Variants in PRKN observed in about 807,000 individuals in gnomAD.
PRKN encodes parkin RBR E3 ubiquitin protein ligase.
PRKN carries 56 observed loss-of-function variants against 59.5 expected under a neutral mutation model. That is an observed-to-expected ratio of 0.94 (90% CI 0.76 to 1.18). The LOEUF (loss-of-function observed/expected upper bound fraction) is 1.18. PRKN is among the 50% of genes most tolerant of loss of function. The pLI is 0.00. For synonymous variants in PRKN, 250 were observed against 222.1 expected (o/e 1.13, Z -1.12); for missense variants, 657 against 596.4 (o/e 1.10, Z -1.06).
At chr6:162,292,603 C>T (rs567828411) in intron 2 of PRKN, among the ~76,000 whole-genome samples, 60 of 152,090 alleles carry the variant, frequency 3.9e-4, no homozygotes, top group African/African-American at 1.3e-3. Flanking sequence ...TGGGAAGAGC[C>T]GAGGATGACC....
intron 7 of PRKN, among the ~76,000 whole-genome samples, chr6:161,587,604 G>A (rs1405151797): frequency 6.6e-6 from 1 of 151,960 alleles, no homozygotes; most frequent in African/African-American, 2.4e-5. Flanking sequence ...GTAAAATGAA[G>A]GCTATTTAAA....
intron 4 of PRKN, among the ~76,000 whole-genome samples, chr6:162,121,259 A>C (rs1780901916): frequency 6.6e-6 from 1 of 152,152 alleles, no homozygotes. Context: ...AATACCTTAA[A>C]TGTCTGAATA....
chr6:162,204,449 C>A (rs1011717860), intron 3 of PRKN, among the ~76,000 whole-genome samples: 1 of 152,074 alleles, frequency 6.6e-6, no homozygotes, highest in Non-Finnish European at 1.5e-5. Flanking sequence ...TGACACTGTA[C>A]TTCTCAGAAA....
chr6:162,269,066 A>C (rs1161938369), intron 2 of PRKN, among the ~76,000 whole-genome samples: 1 of 152,168 alleles, frequency 6.6e-6, no homozygotes, highest in Non-Finnish European at 1.5e-5. Context: ...GAGAGTATGG[A>C]AAGTGAAAAG....
chr6:161,783,522 A>C, intron 7 of PRKN: 1 of 435,688 alleles, frequency 2.3e-6, no homozygotes, highest in South Asian at 1.8e-5. Flanking sequence ...ATTTTTCCTT[A>C]CTTTTGTATG....
At chr6:161,851,968 T>C (rs1023981939) in intron 6 of PRKN, among the ~76,000 whole-genome samples, 76 of 150,876 alleles carry the variant, frequency 5.0e-4, no homozygotes, top group African/African-American at 1.8e-3. Flanking sequence ...ACACCTGTGG[T>C]CCCAGCTGCT....
chr6:161,556,456 T>A (rs1780241725), intron 8 of PRKN, among the ~76,000 whole-genome samples: 3 of 152,342 alleles, frequency 2.0e-5, no homozygotes, highest in Admixed American at 2.0e-4. Context: ...GTCATGTAAT[T>A]ACATATCATT....
intron 6 of PRKN, among the ~76,000 whole-genome samples, chr6:161,874,973 T>TATTATATTATATACTTTATATATAATA (rs61258288): frequency 2.9e-5 from 3 of 102,704 alleles, no homozygotes; most frequent in Non-Finnish European, 3.4e-5. Flanking sequence ...AATATATAAT[T>TATTATATTATATACTTTATATATAATA]TATTATATTA....
At chr6:161,366,104 C>T (rs1785186960) in intron 10 of PRKN, among the ~76,000 whole-genome samples, 1 of 152,148 alleles carries the variant, frequency 6.6e-6, no homozygotes, top group African/African-American at 2.4e-5. Flanking sequence ...GTGATTAGGT[C>T]ATGAGGGTGG....
At chr6:162,660,184 A>T (rs2128228068) in intron 1 of PRKN, among the ~76,000 whole-genome samples, 1 of 152,350 alleles carries the variant, frequency 6.6e-6, no homozygotes, top group African/African-American at 2.4e-5. Context: ...TCATTTTATT[A>T]TAAAGAAGTC....
chr6:161,534,131 C>A (rs1237072081), intron 9 of PRKN, among the ~76,000 whole-genome samples: 1 of 152,116 alleles, frequency 6.6e-6, no homozygotes, highest in Non-Finnish European at 1.5e-5. Context: ...ACTCCCTTTC[C>A]CTGTCCTGCT....
At chr6:162,585,925 G>T (rs1460547469) in intron 1 of PRKN, among the ~76,000 whole-genome samples, 3 of 151,986 alleles carry the variant, frequency 2.0e-5, no homozygotes, top group Non-Finnish European at 4.4e-5. Flanking sequence ...GGCTGGTCTT[G>T]AACTCCTGAC....
rs920015371 is a variant in PRKN at position 161,864,748 on chromosome 6, C to G, written c.735-78840G>C. On this transcript the variant is annotated intron_variant, in intron 6 of 11. Transcript: ENST00000366898. ...CTCAACTCACTGCAACCTCCACGTC[C>G]CAAGTTCAAGTGATTCTCCTGCCCT... 2.6e-5 allele frequency among the ~76,000 whole-genome samples: 4 copies of G among 152,044 alleles called. No individual in the cohort carries two copies. In the East Asian group the frequency reaches 7.7e-4, roughly 29 times the overall value.
At chr6:162,446,130 G>A (rs1181560909) in intron 1 of PRKN, among the ~76,000 whole-genome samples, 1 of 152,156 alleles carries the variant, frequency 6.6e-6, no homozygotes, top group Non-Finnish European at 1.5e-5. Flanking sequence ...AAATAAAAAT[G>A]TATTGGAAGC....
rs1244625058 is a variant in PRKN at position 162,560,856 on chromosome 6, A to AAAAAAAAAAAAAC, written c.8-117384_8-117383insGTTTTTTTTTTTT. On this transcript the variant is annotated intron_variant, in intron 1 of 11. Coordinates refer to ENST00000366898, the MANE Select transcript of PRKN (RefSeq NM_004562.3). ...TTAAAGCCCAGAGAGAGAGAGGCAA[A>AAAAAAAAAAAAAC]AAAAAAAAAAACCCAGGTCATTATA... Among the ~76,000 whole-genome samples the AAAAAAAAAAAAAC allele has an allele frequency of 1.3e-5, 2 of 150,246 alleles. 1 individual carries two copies. Among genetic ancestry groups the AAAAAAAAAAAAAC allele is most frequent in the South Asian group, 4.2e-4 (2 of 4,778 alleles).
intron 7 of PRKN, among the ~76,000 whole-genome samples, chr6:161,649,821 C>T (rs1784086538): frequency 6.6e-6 from 1 of 152,212 alleles, no homozygotes; most frequent in African/African-American, 2.4e-5. Context: ...TCTCCCCAAG[C>T]TCAGGCAGAA....
intron 2 of PRKN, among the ~76,000 whole-genome samples, chr6:162,337,525 G>C (rs1276965791): frequency 6.6e-6 from 1 of 152,192 alleles, no homozygotes; most frequent in Non-Finnish European, 1.5e-5. Context: ...GACTTAATCA[G>C]TTGTAAGTAA....
chr6:162,145,319 T>C (rs1289088001), intron 4 of PRKN, among the ~76,000 whole-genome samples: 3 of 152,176 alleles, frequency 2.0e-5, no homozygotes, highest in African/African-American at 7.2e-5. Flanking sequence ...TAAGGATATG[T>C]AGAATAAAAC....
At chr6:161,675,191 T>C (rs1785043513) in intron 7 of PRKN, among the ~76,000 whole-genome samples, 1 of 152,196 alleles carries the variant, frequency 6.6e-6, no homozygotes, top group Non-Finnish European at 1.5e-5. Flanking sequence ...ATAACCATTT[T>C]ATTTAAATTG....
Sources: allele counts gnomAD v4.1 joint callset (sites outside exome capture counted in the v4.1 genomes callset), GRCh38; gene constraint gnomAD v4.1.1; transcripts MANE v1.5; gene names NCBI Gene and HGNC (gene_info 2026-07-23, HGNC 2026-07-21).